Variants in ZMYM3 observed in about 807,000 individuals in gnomAD.
ZMYM3 encodes zinc finger MYM-type protein 3.
Under a neutral mutation model 94.2 loss-of-function variants are expected in ZMYM3, and 6 were observed. The observed-to-expected ratio is 0.06, with a 90% CI of 0.03 to 0.13. The LOEUF is 0.13. Among genes scored for constraint, ZMYM3 ranks in the 10% least tolerant of loss-of-function variants. The probability of loss-of-function intolerance (pLI) is 1.00; values close to 1 mark genes in which losing one functional copy is unlikely to be tolerated. For missense variants in ZMYM3, 664 were observed against 1,132.6 expected, an observed-to-expected ratio of 0.59 and a Z score of 5.94; for synonymous variants, 420 against 426.5, an observed-to-expected ratio of 0.98 and a Z score of 0.19.
In ZMYM3 at chrX:71,248,465, A is replaced by G; in HGVS notation, c.1797T>C (p.Ser599=). ...GCCAGTCCAAGACCTCAGGCTTGCC[A>G]CTGAAGAGGCTGTGACAGTAGTGAC... ...LSCHYCHSLF[S]GKPEVLDWQD... The change falls in exon 10 of 25, where the codon AGT becomes AGC. Residue 599 remains serine (S), a synonymous_variant. Coordinates refer to ENST00000314425, the MANE Select transcript of ZMYM3 (RefSeq NM_201599.3). 8.3e-7 allele frequency: 1 copy of G among 1,211,114 alleles called. No individual in the cohort carries two copies. Among genetic ancestry groups the G allele is most frequent in the Non-Finnish European group, 1.1e-6 (1 of 895,095 alleles).
chrX:71,253,071 G>A lies in ZMYM3; in HGVS notation c.185C>T (p.Thr62Ile), dbSNP rs753677791. ...AGGGTCTTTTTCCAGGCCAGCAGGG[G>A]TATCAAGCAGGTCCAGGGCTCCCGA... Reference protein sequence around the residue: ...PSSGALDLLDTPAGLEKDPGV... With the variant: ...PSSGALDLLDIPAGLEKDPGV... The change falls in exon 2 of 25, where the codon ACC becomes ATC. Residue 62 changes from threonine (T) to isoleucine (I), a missense_variant. Around this residue, in one of 9 missense-constraint regions of ZMYM3, gnomAD observed 196 missense variants for 190.8 expected, o/e 1.03. Transcript: ENST00000314425. 1.6e-5 allele frequency: 19 copies of A among 1,199,307 alleles called. No individual in the cohort carries two copies. The highest frequency in any genetic ancestry group is 3.4e-6 in the Non-Finnish European group (3 of 889,677).
At position 71,241,059 on chromosome X, in the gene ZMYM3, G is replaced by A. The variant is rs371547376; in HGVS notation, c.3970C>T (p.Arg1324Trp). Residue 1324 changes from arginine (R) to tryptophan (W), a missense_variant, in exon 25 of 25, where the codon CGG (arginine) becomes TGG (tryptophan). This residue lies in a region of ZMYM3 where 58 missense variants were observed against 112.4 expected (regional missense o/e 0.52). Coordinates refer to ENST00000314425, the MANE Select transcript of ZMYM3 (RefSeq NM_201599.3). ...AGAGGTGACTCGGCGATGCAGGACC[G>A]TTCAGGTTGCAGGTAGAACACATCG... ...RNDVFYLQPERSCIAESPLWY... is the reference protein window; with the variant it reads ...RNDVFYLQPEWSCIAESPLWY... 3 of 1,211,137 alleles carry A rather than the reference G, an allele frequency of 2.5e-6. No individual in the cohort carries two copies. Among genetic ancestry groups the A allele is most frequent in the Non-Finnish European group, 3.4e-6 (3 of 895,277 alleles).
chrX:71,242,569 C>T, intron 22 of ZMYM3, 145 bp from the exon 23 acceptor site: 2 of 765,639 alleles, frequency 2.6e-6, no homozygotes, highest in South Asian at 5.4e-5. Flanking sequence ...CACTTCGCTA[C>T]ACTTGCTACA....
chrX:71,243,193 G>A, intron 21 of ZMYM3, 109 bp from the exon 22 acceptor site: 1 of 635,630 alleles, frequency 1.6e-6, no homozygotes, highest in Non-Finnish European at 2.5e-6. Context: ...GGAGACGATG[G>A]GAAACAGTTG....
chrX:71,241,122 GGTGGGA>G lies in ZMYM3; in HGVS notation c.3921-20_3921-15del, dbSNP rs762568961. 1 of 1,202,169 alleles carries G rather than the reference GGTGGGA, an allele frequency of 8.3e-7. No individual in the cohort carries two copies. The highest frequency in any genetic ancestry group is 1.8e-5 in the South Asian group (1 of 55,906). On this transcript the variant is annotated splice_polypyrimidine_tract_variant and intron_variant, in intron 24 of 24. Coordinates refer to ENST00000314425, the MANE Select transcript of ZMYM3 (RefSeq NM_201599.3). Reference sequence around the variant, plus strand: ...AGGCTTTCAGGACTGCAACATCGGGGGTGGGAGTGGGAGTGGGGGTGGCAGGACAGA... The same window carrying G: ...AGGCTTTCAGGACTGCAACATCGGGGGTGGGAGTGGGGGTGGCAGGACAGA...
chrX:71,247,414 G>A lies in ZMYM3; in HGVS notation c.2245C>T (p.Leu749=), dbSNP rs2030228263. Residue 749 remains leucine (L), a synonymous_variant, in exon 13 of 25, where the codon CTG becomes TTG. Transcript: ENST00000314425. The part of the protein sequence containing the change: ...IRHFCNQQCL[L]RFYSQQNQPN... ...TGGTTCTGCTGGCTATAGAAACGCA[G>A]AAGACACTGCTGGTTGCAGAAATGA... 2.5e-6 allele frequency: 3 copies of A among 1,207,535 alleles called. No individual in the cohort carries two copies. The highest frequency in any genetic ancestry group is 2.2e-5 in the Admixed American group (1 of 45,531).
chrX:71,249,255 G>A, intron 7 of ZMYM3, 86 bp from the exon 8 acceptor site: 6 of 1,176,428 alleles, frequency 5.1e-6, no homozygotes, highest in Admixed American at 4.8e-5. Context: ...AATATTTCAG[G>A]CATACAAAAA....
rs1265945644 is a variant in ZMYM3 at position 71,246,292 on chromosome X, T to C, written c.2572+61A>G. ...AATCCCCTTGTCCAGCTCACGGACA[T>C]AGGGCTGGCAGGCCTAGGACTCTGG... On this transcript the variant is annotated intron_variant, in intron 15 of 24. Transcript: ENST00000314425. The C allele has an allele frequency of 5.9e-5, 70 of 1,189,517 alleles. 1 individual carries two copies. Among genetic ancestry groups the C allele is most frequent in the Non-Finnish European group, 2.2e-5 (19 of 878,759 alleles).
upstream of ZMYM3, chrX:71,255,087 T>TCTCC (rs2148007566): frequency 1.2e-4 from 1 of 8,062 alleles, no homozygotes; most frequent in South Asian, 0.014. Context: ...AGGGCTGATC[T>TCTCC]CTCTCTCTCT....
At chrX:71,243,608 CT>C (rs1395333231) in intron 21 of ZMYM3, 1,117 of 358,409 alleles carry the variant, frequency 3.1e-3, no homozygotes, top group South Asian at 3.5e-3. Context: ...AGAATAACTG[CT>C]TTTTTTTTTC....
chrX:71,245,907 A>T, intron 16 of ZMYM3, 65 bp from the exon 17 acceptor site: 2 of 1,158,588 alleles, frequency 1.7e-6, no homozygotes, highest in Non-Finnish European at 2.3e-6. Flanking sequence ...AGTTGGGGGG[A>T]CAGATGATGA....
intron 24 of ZMYM3, 42 bp downstream of exon 24, chrX:71,241,185 G>A (rs1430774670): frequency 6.8e-6 from 8 of 1,183,838 alleles, no homozygotes; most frequent in Non-Finnish European, 8.0e-6. Flanking sequence ...AGATCCCTCG[G>A]GTCCCCATGC....
chrX:71,253,894 AC>A, intron 1 of ZMYM3, 134 bp downstream of exon 1: 1 of 76,129 alleles, frequency 1.3e-5, no homozygotes, highest in Non-Finnish European at 2.6e-5. Flanking sequence ...CCTGTTGCCC[AC>A]CCCCAACCTC....
At chrX:71,251,721 A>G in intron 2 of ZMYM3, 120 bp from the exon 3 acceptor site, 1 of 1,062,947 alleles carries the variant, frequency 9.4e-7, no homozygotes, top group Non-Finnish European at 1.2e-6. Context: ...GGAAAACTCG[A>G]GTGCCTGTGG....
chrX:71,246,233 A>G lies in ZMYM3; in HGVS notation c.2572+120T>C. 7.3e-6 allele frequency: 8 copies of G among 1,089,886 alleles called. No homozygotes were observed. In the South Asian group the frequency reaches 1.6e-4, roughly 22 times the overall value. The allele number at this position is 1,089,886 out of a possible 1,213,427, so 89.8% of individuals were successfully genotyped here. A position where few individuals can be genotyped will look rare whatever the true frequency, so the allele number is the denominator to read the frequency against. On this transcript the variant is annotated intron_variant, in intron 15 of 24. Coordinates refer to ENST00000314425, the MANE Select transcript of ZMYM3 (RefSeq NM_201599.3). ...TGAAAGACACCTCTATGATTCTAGGACAACCATATGAATGAGGCTTCAGCT... is the reference window on the plus strand; with the variant it reads ...TGAAAGACACCTCTATGATTCTAGGGCAACCATATGAATGAGGCTTCAGCT...
chrX:71,243,740 G>C, intron 21 of ZMYM3, 89 bp downstream of exon 21: 2 of 1,116,726 alleles, frequency 1.8e-6, no homozygotes, highest in South Asian at 4.1e-5. Context: ...ACAGGCGTGA[G>C]CCACCGTGCC....
chrX:71,241,822 C>T (rs1399700966), intron 23 of ZMYM3, among the ~76,000 whole-genome samples: 4 of 111,313 alleles, frequency 3.6e-5, no homozygotes, highest in Non-Finnish European at 7.5e-5. Flanking sequence ...TTGTTAGACC[C>T]GATAGCAAAG....
intron 2 of ZMYM3, chrX:71,251,999 A>G: frequency 2.9e-6 from 1 of 348,485 alleles, no homozygotes; most frequent in African/African-American, 2.8e-5. Context: ...GTGGTTATAT[A>G]AGCCCTAAGA....
In ZMYM3 at chrX:71,248,732, C is replaced by T. The variant is rs1386086639; in HGVS notation, c.1691G>A (p.Arg564His). 3 of 1,205,733 alleles carry T rather than the reference C, an allele frequency of 2.5e-6. No individual in the cohort carries two copies. The highest frequency in any genetic ancestry group is 2.3e-4 in the Middle Eastern group (1 of 4,367). ...GGGGCTGCAGAACTGGTAGACTGTG[C>T]GGTCAACCTTGTTGTAGTAACAGGG... ...SDPCYYNKVD[R>H]TVYQFCSPSC... The change falls in exon 9 of 25, where the codon CGC becomes CAC. Residue 564 changes from arginine (R) to histidine (H), a missense_variant. Transcript: ENST00000314425.
Sources: gnomAD v4.1 joint callset for allele counts (sites outside exome capture counted in the v4.1 genomes callset) on GRCh38, gnomAD v4.1.1 for gene constraint, gnomAD v4.1.1 regional missense constraint, MANE v1.5 for transcripts, NCBI Gene and HGNC (gene_info 2026-07-23, HGNC 2026-07-21) for gene names.